The following PBRM1 variants were observed in gnomAD, a reference collection of about 807,000 sequenced individuals.
PBRM1 encodes the protein polybromo 1.
A neutral mutation model predicts 194.5 loss-of-function variants in PBRM1; 27 were observed. The ratio of observed to expected loss-of-function variants is 0.14; its 90% CI spans 0.10 to 0.19. The LOEUF is 0.19. Among genes scored for constraint, PBRM1 ranks in the 10% least tolerant of loss-of-function variants. The probability of loss-of-function intolerance (pLI) is 1.00; values close to 1 mark genes in which losing one functional copy is unlikely to be tolerated. For missense variants in PBRM1, 1,466 were observed against 2,077.2 expected (o/e 0.71, Z 5.72); for synonymous variants, 655 against 693.2 (o/e 0.94, Z 0.87).
At chr3:52,679,829 T>G (rs1164793706), upstream of PBRM1, 7 of 800,188 alleles carry the variant, frequency 8.7e-6, no homozygotes, top group Non-Finnish European at 1.1e-5. Flanking sequence ...TAGGAGGATA[T>G]TTTAACGTGT....
chr3:52,596,880 C>T (rs1163604791), intron 17 of PBRM1, among the ~76,000 whole-genome samples: 1 of 152,140 alleles, frequency 6.6e-6, no homozygotes, highest in Non-Finnish European at 1.5e-5. Flanking sequence ...TGGCTCTGAG[C>T]CCAGCACAGC....
At chr3:52,630,418 T>C (rs996411401) in intron 11 of PBRM1, among the ~76,000 whole-genome samples, 4 of 152,160 alleles carry the variant, frequency 2.6e-5, no homozygotes, top group African/African-American at 9.7e-5. Flanking sequence ...TAAAATTAAA[T>C]AAAACTTAAA....
chr3:52,648,053 C>A (rs368666899), intron 7 of PBRM1, among the ~76,000 whole-genome samples: 1 of 151,948 alleles, frequency 6.6e-6, no homozygotes, highest in Non-Finnish European at 1.5e-5. Flanking sequence ...GGATTACAGG[C>A]GCCTGCCACC....
intron 13 of PBRM1, among the ~76,000 whole-genome samples, chr3:52,626,367 C>A (rs998011331): frequency 6.6e-6 from 1 of 152,190 alleles, no homozygotes; most frequent in Non-Finnish European, 1.5e-5. Context: ...AGGACAGCTC[C>A]TCTTTTCTAA....
At chr3:52,605,901 C>A (rs2094322792) in intron 16 of PBRM1, among the ~76,000 whole-genome samples, 1 of 151,966 alleles carries the variant, frequency 6.6e-6, no homozygotes, top group Non-Finnish European at 1.5e-5. Context: ...CTGTGTCCGG[C>A]CTTGGAAAGG....
intron 16 of PBRM1, among the ~76,000 whole-genome samples, chr3:52,605,200 C>G (rs2094268432): frequency 6.6e-6 from 1 of 152,114 alleles, no homozygotes; most frequent in Non-Finnish European, 1.5e-5. Flanking sequence ...ACTTCTTGGG[C>G]TCAGGCTGGC....
rs575084149 is a variant in PBRM1 at position 52,565,632 on chromosome 3, G to A, written c.3692-1399C>T. Among the ~76,000 whole-genome samples, 8 of 152,076 alleles carry A rather than the reference G, an allele frequency of 5.3e-5. No homozygotes were observed. The South Asian group carries it at 1.7e-3, about 31-fold the overall frequency. On this transcript the variant is annotated intron_variant, in intron 22 of 29. Transcript: ENST00000296302. ...AAATCATATATCTAGTAAGAGTCTA[G>A]TATACAGAATATATATTCCTACAAC...
chr3:52,564,830 T>C (rs1396438632), intron 22 of PBRM1, among the ~76,000 whole-genome samples: 4 of 152,158 alleles, frequency 2.6e-5, no homozygotes, highest in Non-Finnish European at 4.4e-5. Flanking sequence ...TTTCAACAGA[T>C]GGTACGGTAC....
intron 7 of PBRM1, among the ~76,000 whole-genome samples, chr3:52,647,019 A>G (rs1388182040): frequency 3.9e-5 from 6 of 152,190 alleles, no homozygotes; most frequent in Non-Finnish European, 8.8e-5. Flanking sequence ...ATAAGGGTAT[A>G]ATATCCAGAA....
intron 17 of PBRM1, among the ~76,000 whole-genome samples, chr3:52,591,511 G>GTTTTTTTTTTTTTTTTTT (rs57736913): frequency 1.4e-5 from 1 of 71,842 alleles, no homozygotes; most frequent in Non-Finnish European, 2.5e-5. Flanking sequence ...TTTTGTCTTT[G>GTTTTTTTTTTTTTTTTTT]TTTTTTTTTT....
At chr3:52,637,326 C>T (rs1577239732) in intron 10 of PBRM1, among the ~76,000 whole-genome samples, 1 of 152,116 alleles carries the variant, frequency 6.6e-6, no homozygotes, top group African/African-American at 2.4e-5. Flanking sequence ...GTTACCTTTT[C>T]TCCATTAAAA....
At chr3:52,654,856 C>G (rs1226982075) in intron 5 of PBRM1, among the ~76,000 whole-genome samples, 1 of 152,034 alleles carries the variant, frequency 6.6e-6, no homozygotes, top group African/African-American at 2.4e-5. Flanking sequence ...GGCATGATCA[C>G]AGCTCACTGC....
intron 25 of PBRM1, among the ~76,000 whole-genome samples, chr3:52,559,397 T>C (rs944059868): frequency 6.6e-6 from 1 of 152,098 alleles, no homozygotes; most frequent in African/African-American, 2.4e-5. Flanking sequence ...ACTCCTGAAA[T>C]GCTGTATTTC....
chr3:52,614,308 A>G (rs2094821960), intron 15 of PBRM1, among the ~76,000 whole-genome samples: 1 of 129,860 alleles, frequency 7.7e-6, no homozygotes, highest in African/African-American at 2.8e-5. Context: ...TGGGAGGCAG[A>G]GGTTGCAGTG....
At chr3:52,603,826 G>A (rs1347286383) in intron 16 of PBRM1, 94 bp from the exon 19 acceptor site, 7 of 1,071,512 alleles carry the variant, frequency 6.5e-6, no homozygotes, top group Non-Finnish European at 9.4e-6. Context: ...TTCTTTAATT[G>A]ATATAGTGGT....
chr3:52,662,921 T>C (rs1046755952), intron 3 of PBRM1, among the ~76,000 whole-genome samples: 1 of 151,980 alleles, frequency 6.6e-6, no homozygotes. Flanking sequence ...ATTTAAAGGA[T>C]AGAAGCTAAT....
chr3:52,567,001 G>A (rs1323328384), intron 22 of PBRM1, among the ~76,000 whole-genome samples: 4 of 151,296 alleles, frequency 2.6e-5, no homozygotes, highest in East Asian at 1.9e-4. Flanking sequence ...CCTGGGAGGC[G>A]GAGGTTGCAG....
exon 23 of PBRM1, chr3:52,564,181 T>G (rs765383171): frequency 6.2e-7 from 1 of 1,613,992 alleles, no homozygotes; most frequent in African/African-American, 1.3e-5. Flanking sequence ...TTTCTGGTAT[T>G]TCAGTTGGCC....
chr3:52,626,192 C>T (rs2095441715), intron 13 of PBRM1, among the ~76,000 whole-genome samples: 1 of 152,164 alleles, frequency 6.6e-6, no homozygotes, highest in Admixed American at 6.5e-5. Flanking sequence ...TGGTTTCACA[C>T]TTTTCCTCCA....
Sources: allele counts gnomAD v4.1 joint callset (sites outside exome capture counted in the v4.1 genomes callset), GRCh38; gene constraint gnomAD v4.1.1; transcripts MANE v1.5; gene names NCBI Gene and HGNC (gene_info 2026-07-23, HGNC 2026-07-21).